The following CDH23 variants were observed in gnomAD, a reference collection of about 807,000 sequenced individuals.
CDH23 encodes cadherin related 23.
A neutral mutation model predicts 317.1 loss-of-function variants in CDH23; 189 were observed. The ratio of observed to expected loss-of-function variants is 0.60; its 90% confidence interval spans 0.53 to 0.67. The LOEUF (loss-of-function observed/expected upper bound fraction) is 0.67. CDH23 is among the 30% of genes least tolerant of loss of function. The pLI, the probability that CDH23 is intolerant of heterozygous loss-of-function variation, is 0.00. For missense variants in CDH23, 4,401 were observed against 4,592.4 expected, an observed-to-expected ratio of 0.96 and a Z score of 1.20; for synonymous variants, 1,839 against 1,876.8, an observed-to-expected ratio of 0.98 and a Z score of 0.52.
Position 71,510,225 on chromosome 10 carries a change from G to T in CDH23, c.288+1G>T. 6.2e-7 allele frequency: 1 copy of T among 1,613,346 alleles called. No homozygotes were observed. Among genetic ancestry groups the T allele is most frequent in the Non-Finnish European group, 8.5e-7 (1 of 1,179,806 alleles). ...GCTCCGGCAGCCACTGGACAGAGAG[G>T]TATGACTTGCCCATACCCCTGCCCC... On this transcript the variant is annotated splice_donor_variant, in intron 4 of 69. Coordinates refer to ENST00000224721, the MANE Select transcript of CDH23 (RefSeq NM_022124.6). LOFTEE classifies it high-confidence loss of function.
In CDH23 at chr10:71,760,972, G is replaced by GGCCA; in HGVS notation, c.4846-16706_4846-16703dup. 1.9e-6 allele frequency: 3 copies of GGCCA among 1,585,276 alleles called. No individual in the cohort carries two copies. The South Asian group carries it at 3.3e-5, about 18-fold the overall frequency. On this transcript the variant is annotated intron_variant, in intron 38 of 69. Coordinates refer to ENST00000224721, the MANE Select transcript of CDH23 (RefSeq NM_022124.6). ...CATTAGGTGGGTGTCAGGCCCAGGA[G>GGCCA]GCCAGGGAGGCTTGTCCAGGCCAGT...
intron 9 of CDH23, among the ~76,000 whole-genome samples, chr10:71,591,645 T>A (rs1175473186): frequency 6.6e-6 from 1 of 152,050 alleles, no homozygotes; most frequent in Non-Finnish European, 1.5e-5. Context: ...ATAATAGAAG[T>A]TTCATACATA....
intron 42 of CDH23, 45 bp from the exon 43 acceptor site, chr10:71,784,846 C>T (rs1359375598): frequency 6.6e-7 from 1 of 1,525,262 alleles, no homozygotes; most frequent in Admixed American, 1.7e-5. Context: ...TGCACAACAT[C>T]TGTCGCTCTT....
chr10:71,805,086 T>C (rs1841670170), intron 55 of CDH23, among the ~76,000 whole-genome samples: 1 of 152,216 alleles, frequency 6.6e-6, no homozygotes, highest in Admixed American at 6.5e-5. Context: ...AATGAAACCA[T>C]GCTGAGCTGA....
At chr10:71,765,286 G>A (rs1163902464) in intron 38 of CDH23, among the ~76,000 whole-genome samples, 1 of 152,256 alleles carries the variant, frequency 6.6e-6, no homozygotes, top group Non-Finnish European at 1.5e-5. Context: ...AGCTACGGTA[G>A]TATTTACCAC....
chr10:71,500,165 G>A (rs1053823602), intron 3 of CDH23, among the ~76,000 whole-genome samples: 3 of 152,124 alleles, frequency 2.0e-5, no homozygotes, highest in Non-Finnish European at 4.4e-5. Context: ...TTGAGGTGAT[G>A]GATATCCTAA....
chr10:71,452,454 C>A (rs1469663948), intron 3 of CDH23, among the ~76,000 whole-genome samples: 1 of 152,216 alleles, frequency 6.6e-6, no homozygotes, highest in Non-Finnish European at 1.5e-5. Context: ...ACACCTCGCA[C>A]ACTGTTGCAC....
At chr10:71,609,995 T>TGTGTGTGA (rs3222215) in intron 9 of CDH23, among the ~76,000 whole-genome samples, 38 of 140,814 alleles carry the variant, frequency 2.7e-4, no homozygotes, top group African/African-American at 6.8e-4. Context: ...TGTGTGTGTG[T>TGTGTGTGA]GAGAGAGACA....
At chr10:71,769,891 G>C (rs1840648084) in intron 38 of CDH23, among the ~76,000 whole-genome samples, 1 of 152,226 alleles carries the variant, frequency 6.6e-6, no homozygotes, top group Non-Finnish European at 1.5e-5. Context: ...TCAGATGTAA[G>C]AAAGATCCAC....
rs1487599802 is a variant in CDH23 at position 71,759,818 on chromosome 10, T to TAC, written c.4846-17861_4846-17860insCA. Reference sequence around the variant, plus strand: ...CAGAGTGAAACCGTGTTTCAGAAAATATACACACACACACACACACACACA... The same window carrying TAC: ...CAGAGTGAAACCGTGTTTCAGAAAATACATACACACACACACACACACACACA... On this transcript the variant is annotated intron_variant, in intron 38 of 69. Coordinates refer to ENST00000224721, the MANE Select transcript of CDH23 (RefSeq NM_022124.6). 3.5e-4 allele frequency among the ~76,000 whole-genome samples: 18 copies of TAC among 50,788 alleles called. 1 individual carries two copies. Among genetic ancestry groups the TAC allele is most frequent in the African/African-American group, 1.3e-3 (17 of 13,304 alleles). 33.3% of individuals were successfully genotyped at this position (50,788 alleles called of 152,430 possible).
intron 39 of CDH23, 85 bp from the exon 40 acceptor site, chr10:71,778,104 C>A: frequency 6.4e-7 from 1 of 1,565,738 alleles, no homozygotes; most frequent in Non-Finnish European, 8.7e-7. Context: ...GCTCCAATGT[C>A]AGGGCCTACT....
At chr10:71,618,256 C>A (rs1323859844) in intron 11 of CDH23, among the ~76,000 whole-genome samples, 3 of 152,064 alleles carry the variant, frequency 2.0e-5, no homozygotes, top group African/African-American at 7.2e-5. Context: ...CTGGGCCCAG[C>A]CTTAAAAGGA....
rs1286554706 is a variant in CDH23 at position 71,675,093 on chromosome 10, C to T, written c.1450-19C>T. On this transcript the variant is annotated intron_variant, in intron 14 of 69. Transcript: ENST00000224721. ...CAGCTGGGCCTGGCAGTAATGACTTCTTGTTCTCGCTGTTGCAGGCAACTG... is the reference window on the plus strand; with the variant it reads ...CAGCTGGGCCTGGCAGTAATGACTTTTTGTTCTCGCTGTTGCAGGCAACTG... The T allele has an allele frequency of 6.2e-7, 1 of 1,613,090 alleles. No individual in the cohort carries two copies.
chr10:71,791,202 G>C lies in CDH23; in HGVS notation c.6120G>C (p.Leu2040=). 1.2e-6 allele frequency: 2 copies of C among 1,613,528 alleles called. No homozygotes were observed. Among genetic ancestry groups the C allele is most frequent in the Non-Finnish European group, 1.7e-6 (2 of 1,179,720 alleles). Reference sequence around the variant, plus strand: ...TCTCGCCACCCATCCTGGAGCTGCTGCTGCTGGCTGAGGACATCGGGCTGC... The same window carrying C: ...TCTCGCCACCCATCCTGGAGCTGCTCCTGCTGGCTGAGGACATCGGGCTGC... ...EAFSPPILEL[L]LLAEDIGLLN... is the part of the protein sequence containing the mutation. The change falls in exon 47 of 70, where the codon CTG becomes CTC. Residue 2040 remains leucine, a synonymous_variant. Coordinates refer to ENST00000224721, the MANE Select transcript of CDH23 (RefSeq NM_022124.6).
chr10:71,477,783 C>T (rs77267819), intron 3 of CDH23, among the ~76,000 whole-genome samples: 1 of 152,292 alleles, frequency 6.6e-6, no homozygotes, highest in East Asian at 1.9e-4. Flanking sequence ...CACTAAGTCA[C>T]TAGATCTTGC....
At chr10:71,790,941 G>T in intron 46 of CDH23, 191 bp from the exon 47 acceptor site, 3 of 606,352 alleles carry the variant, frequency 4.9e-6, no homozygotes, top group Non-Finnish European at 8.8e-6. Context: ...GGAAATGCAT[G>T]GGGCCCTCCC....
chr10:71,551,039 C>T (rs999416440), intron 6 of CDH23, among the ~76,000 whole-genome samples: 1 of 152,174 alleles, frequency 6.6e-6, no homozygotes, highest in African/African-American at 2.4e-5. Flanking sequence ...CCTAATGATT[C>T]GTGATTATTA....
intron 28 of CDH23, chr10:71,716,205 T>TG: frequency 2.6e-6 from 4 of 1,551,104 alleles, no homozygotes; most frequent in Non-Finnish European, 3.5e-6. Flanking sequence ...AGGAGGAAGA[T>TG]GCAGGCCAGG....
intron 3 of CDH23, among the ~76,000 whole-genome samples, chr10:71,489,594 G>GGTGTGTGTGTGTGT (rs34392048): frequency 5.7e-5 from 8 of 139,802 alleles, no homozygotes; most frequent in African/African-American, 1.3e-4. Context: ...AGTGCCTCGG[G>GGTGTGTGTGTGTGT]GTGTGTGTGT....
Sources: allele counts gnomAD v4.1 joint callset (sites outside exome capture counted in the v4.1 genomes callset), GRCh38; gene constraint gnomAD v4.1.1; transcripts MANE v1.5; gene names NCBI Gene and HGNC (gene_info 2026-07-23, HGNC 2026-07-21).